ABCB6: variants seen among roughly 807,000 people sequenced by gnomAD.
The protein encoded by ABCB6 is ATP binding cassette subfamily B member 6 (LAN blood group), also known as ATP-binding cassette sub-family B member 6.
A neutral mutation model predicts 99.4 loss-of-function variants in ABCB6; 87 were observed. The observed-to-expected ratio is 0.88, with a 90% CI of 0.74 to 1.05. The LOEUF is 1.05. Among genes scored for constraint, ABCB6 ranks in the 50% least tolerant of loss-of-function variants. ABCB6 has a pLI of 0.00. For synonymous variants in ABCB6, 482 were observed against 447.5 expected (o/e 1.08, Z -0.97); for missense variants, 1,050 against 1,097.9 (o/e 0.96, Z 0.62).
chr2:219,217,637 C>T (rs559941257), intron 2 of ABCB6, 33 bp downstream of exon 2: 22 of 1,543,534 alleles, frequency 1.4e-5, no homozygotes, highest in Admixed American at 1.4e-4. Context: ...AGCAAGACTC[C>T]GTCTCCAAAA....
chr2:219,213,411 C>T, intron 11 of ABCB6, 28 bp downstream of exon 11: 1 of 1,614,166 alleles, frequency 6.2e-7, no homozygotes, highest in Non-Finnish European at 8.5e-7. Context: ...CCTCCCTCCC[C>T]AAACCCTACT....
Position 219,214,517 on chromosome 2 carries a change from G to C in ABCB6, c.1277-19C>G, listed in dbSNP as rs774959844. On this transcript the variant is annotated intron_variant, in intron 6 of 18. Coordinates refer to ENST00000265316, the MANE Select transcript of ABCB6 (RefSeq NM_005689.4). ...GTCAGGGCTGGAGAGTGACAGGATGGGGAGCAGAATAGGACATCATCCCCA... is the reference window on the plus strand; with the variant it reads ...GTCAGGGCTGGAGAGTGACAGGATGCGGAGCAGAATAGGACATCATCCCCA... 1 of 1,567,220 alleles carries C rather than the reference G, an allele frequency of 6.4e-7. No homozygotes were observed. The highest frequency in any genetic ancestry group is 1.1e-5 in the South Asian group (1 of 90,108).
In ABCB6 at chr2:219,210,956, A is replaced by T; in HGVS notation, c.2121T>A (p.Asp707Glu). 6.2e-7 allele frequency: 1 copy of T among 1,614,214 alleles called. No homozygotes were observed. Among genetic ancestry groups the T allele is most frequent in the East Asian group, 2.2e-5 (1 of 44,886 alleles). ...CACCTTCAGGGAAAGCCATAATGGCATCATGGATGCCTGCAGCCTGAGCAG... is the reference window on the plus strand; with the variant it reads ...CACCTTCAGGGAAAGCCATAATGGCTTCATGGATGCCTGCAGCCTGAGCAG... ...EAAAQAAGIH[D>E]AIMAFPEGYR... Residue 707 changes from aspartate (D) to glutamate (E), a missense_variant, in exon 15 of 19, where the codon GAT becomes GAA. Physicochemically the swap from Asp to Glu is conservative, Grantham distance 45. Coordinates refer to ENST00000265316, the MANE Select transcript of ABCB6 (RefSeq NM_005689.4).
At chr2:219,215,141 C>T in intron 5 of ABCB6, 59 bp from the exon 6 acceptor site, 2 of 1,606,636 alleles carry the variant, frequency 1.2e-6, no homozygotes, top group African/African-American at 2.7e-5. Context: ...AGCAACCCTG[C>T]CTCTAGGCAT....
In ABCB6 at chr2:219,215,010, G is replaced by A; in HGVS notation, c.1227C>T (p.Phe409=). Reference sequence around the variant, plus strand: ...ACACAATGAGGCCAAACCAGGCGTTGAAGAACATGCTGAAGTAGATGATGC... The same window carrying A: ...ACACAATGAGGCCAAACCAGGCGTTAAAGAACATGCTGAAGTAGATGATGC... ...IIGIIYFSMF[F]NAWFGLIVFL... is the part of the protein sequence containing the mutation. The change falls in exon 6 of 19, where the codon TTC becomes TTT. Residue 409 remains phenylalanine (F), a synonymous_variant. Coordinates refer to ENST00000265316, the MANE Select transcript of ABCB6 (RefSeq NM_005689.4). 6.2e-7 allele frequency: 1 copy of A among 1,614,170 alleles called. No individual in the cohort carries two copies. The highest frequency in any genetic ancestry group is 8.5e-7 in the Non-Finnish European group (1 of 1,180,030).
Position 219,214,631 on chromosome 2 carries a change from G to C in ABCB6, c.1277-133C>G. 4 of 700,662 alleles carry C rather than the reference G, an allele frequency of 5.7e-6. No homozygotes were observed. In the South Asian group the frequency reaches 7.0e-5, roughly 12 times the overall value. 43.4% of individuals were successfully genotyped at this position (700,662 alleles called of 1,614,324 possible). ...CCGGACACCCAGATTCCACAGGGAG[G>C]CACCTCTGCAGCCTGCACAAAGTCT... On this transcript the variant is annotated intron_variant, in intron 6 of 18. Transcript: ENST00000265316.
In ABCB6 at chr2:219,216,742, C is replaced by A. The variant is rs1435842228; in HGVS notation, c.778G>T (p.Ala260Ser). The A allele has an allele frequency of 6.2e-7, 1 of 1,609,152 alleles. No individual in the cohort carries two copies. Among genetic ancestry groups the A allele is most frequent in the African/African-American group, 1.3e-5 (1 of 74,756 alleles). Residue 260 changes from alanine (A) to serine (S), a missense_variant, in exon 3 of 19, where the codon GCT (alanine) becomes TCT (serine). Transcript: ENST00000265316. This position sits in a 1 kb window ranked among gnomAD's most constrained non-coding sequence, Gnocchi z 4.2. ...CAGATGAGCACCACCAGCTGCAGAG[C>A]TGGACTCCCTCGAGGCCACAGGTAG... ...SGYLWPRGSPALQLVVLICLG... is the reference protein window; with the variant it reads ...SGYLWPRGSPSLQLVVLICLG...
Position 219,216,166 on chromosome 2 carries a change from G to T in ABCB6, c.985C>A (p.Leu329Met). 3.1e-6 allele frequency: 5 copies of T among 1,594,512 alleles called. No homozygotes were observed. The highest frequency in any genetic ancestry group is 3.4e-6 in the Non-Finnish European group (4 of 1,168,798). ...GTGSTGFVSNLRTFLWIRVQQ... is the reference protein window; with the variant it reads ...GTGSTGFVSNMRTFLWIRVQQ... Reference sequence around the variant, plus strand: ...ACCCGGATCCACAGGAAGGTGCGCAGGTTGCTCACGAAGCCTGCAGGGAGC... The same window carrying T: ...ACCCGGATCCACAGGAAGGTGCGCATGTTGCTCACGAAGCCTGCAGGGAGC... The change falls in exon 5 of 19, where the codon CTG (leucine) becomes ATG (methionine). Residue 329 changes from leucine to methionine, a missense_variant. Physicochemically the swap from Leu to Met is conservative, Grantham distance 15. Coordinates refer to ENST00000265316, the MANE Select transcript of ABCB6 (RefSeq NM_005689.4). The surrounding 1 kb of genome is among the most constrained non-coding windows in gnomAD (Gnocchi z 4.2).
At chr2:219,213,780 C>T (rs1559236461) in intron 9 of ABCB6, 46 bp downstream of exon 9, 1 of 1,613,708 alleles carries the variant, frequency 6.2e-7, no homozygotes. Context: ...GGCCTCAGGC[C>T]CCCTTTTCCT....
chr2:219,211,015 G>C lies in ABCB6; in HGVS notation c.2062C>G (p.Arg688Gly), dbSNP rs781073692. The change falls in exon 15 of 19, where the codon CGT (arginine) becomes GGT (glycine). Residue 688 changes from arginine to glycine, a missense_variant. Physicochemically the swap from Arg to Gly is moderately radical, Grantham distance 125. Transcript: ENST00000265316. The stretch of plus-strand genomic sequence containing the variant: ...ACCTCATCATTCCCAGCTGTGACAC[G>C]GCCGTAACGGATATTGTCGGCGATG... Reference protein sequence around the residue: ...DTIADNIRYGRVTAGNDEVEA... With the variant: ...DTIADNIRYGGVTAGNDEVEA... 35 of 1,614,010 alleles carry C rather than the reference G, an allele frequency of 2.2e-5. No homozygotes were observed. The highest frequency in any genetic ancestry group is 2.9e-5 in the Non-Finnish European group (34 of 1,180,046).
At chr2:219,215,227 C>G (rs975346380) in intron 5 of ABCB6, 145 bp from the exon 6 acceptor site, 32 of 953,066 alleles carry the variant, frequency 3.4e-5, no homozygotes, top group Non-Finnish European at 4.6e-5. Flanking sequence ...AGGTGGGTGG[C>G]TAAATCAACC....
Position 219,210,395 on chromosome 2 carries a change from G to C in ABCB6, c.2337C>G (p.Ile779Met). 6.2e-7 allele frequency: 1 copy of C among 1,614,186 alleles called. No homozygotes were observed. The highest frequency in any genetic ancestry group is 8.5e-7 in the Non-Finnish European group (1 of 1,180,022). The change falls in exon 17 of 19, where the codon ATC (isoleucine) becomes ATG (methionine). Residue 779 changes from isoleucine (I) to methionine (M), a missense_variant. Physicochemically the swap from Ile to Met is conservative, Grantham distance 10 (BLOSUM62 1). Coordinates refer to ENST00000265316, the MANE Select transcript of ABCB6 (RefSeq NM_005689.4). ...TAGTCCTGTACCTGTGTGCCACTAC[G>C]ATGGTGGTGCGGTTGGCACAGACTT... ...LAKVCANRTT[I>M]VVAHRLSTVV... is the part of the protein sequence containing the mutation.
Position 219,213,554 on chromosome 2 carries a change from G to C in ABCB6, c.1655+36C>G, listed in dbSNP as rs773755687. The C allele has an allele frequency of 8.4e-5, 136 of 1,613,882 alleles. No homozygotes were observed. The Middle Eastern group carries it at 9.9e-4, about 12-fold the overall frequency. On this transcript the variant is annotated intron_variant, in intron 10 of 18. Transcript: ENST00000265316. Reference sequence around the variant, plus strand: ...CTCTGAGTAGCCAGGAAATAATAATGTGCCCTGGACAGGTGAGGGCCAGGG... The same window carrying C: ...CTCTGAGTAGCCAGGAAATAATAATCTGCCCTGGACAGGTGAGGGCCAGGG...
Position 219,210,042 on chromosome 2 carries a change from C to G in ABCB6, c.2425G>C (p.Glu809Gln), listed in dbSNP as rs768341073. ...ACCCCACCTCGGGACAACAGAGCCT[C>G]GTGTCTGGGGTGAGGAGAAAAGTGT... ...DGCIVERGRH[E>Q]ALLSRGGVYA... The change falls in exon 19 of 19, where the codon GAG becomes CAG. Residue 809 changes from glutamate (E) to glutamine (Q), a missense_variant. Transcript: ENST00000265316. The G allele has an allele frequency of 1.2e-6, 2 of 1,613,982 alleles. No homozygotes were observed. The highest frequency in any genetic ancestry group is 3.3e-5 in the Admixed American group (2 of 60,014).
At chr2:219,214,617 G>C in intron 6 of ABCB6, 119 bp from the exon 7 acceptor site, 10 of 760,484 alleles carry the variant, frequency 1.3e-5, no homozygotes. Flanking sequence ...CGGACACCCA[G>C]ATTCCACAGG....
rs532805022 is a variant in ABCB6, at chr2:219,213,855, C to T, written c.1549G>A (p.Ala517Thr). ...LGLLAGSLLC[A>T]YFVTEQKLQV... ...AGCTTCTGCTCAGTGACAAAGTATG[C>T]GCAAAGCAGGGAGCCGGCGAGGAGC... Residue 517 changes from alanine (A) to threonine (T), a missense_variant, in exon 9 of 19, where the codon GCA becomes ACA. Physicochemically the swap from Ala to Thr is moderately conservative, Grantham distance 58. Coordinates refer to ENST00000265316, the MANE Select transcript of ABCB6 (RefSeq NM_005689.4). 1.5e-5 allele frequency: 24 copies of T among 1,614,154 alleles called. No homozygotes were observed. Among genetic ancestry groups the T allele is most frequent in the East Asian group, 4.5e-5 (2 of 44,884 alleles).
Position 219,213,903 on chromosome 2 carries a change from G to C in ABCB6, c.1501C>G (p.Gln501Glu), listed in dbSNP as rs1310400431. 1 of 1,614,156 alleles carries C rather than the reference G, an allele frequency of 6.2e-7. No homozygotes were observed. The highest frequency in any genetic ancestry group is 8.5e-7 in the Non-Finnish European group (1 of 1,180,042). Residue 501 changes from glutamine (Q) to glutamate (E), a missense_variant, in exon 9 of 19, where the codon CAG becomes GAG. By Grantham distance (29) the Gln-to-Glu change is conservative. Transcript: ENST00000265316. ...AGCCCGAGCCCAATCACCAGGTTCT[G>C]GGTCTGATTTAGTAAAACCAGTGAA... The part of the protein sequence containing the change: ...SASLVLLNQT[Q>E]NLVIGLGLLA...
chr2:219,218,730 T>G lies in ABCB6; in HGVS notation c.-57A>C. 6.7e-7 allele frequency: 1 copy of G among 1,485,448 alleles called. No individual in the cohort carries two copies. The highest frequency in any genetic ancestry group is 8.9e-7 in the Non-Finnish European group (1 of 1,117,422). 92.0% of individuals were successfully genotyped at this position (1,485,448 alleles called of 1,614,324 possible). ...GCACTGCGGGACCGGAGGCCGGGAC[T>G]GGTCACTCGGAGAGGGGCGCGGACA... On this transcript the variant is annotated 5_prime_UTR_variant, in exon 1 of 19. Coordinates refer to ENST00000265316, the MANE Select transcript of ABCB6 (RefSeq NM_005689.4).
chr2:219,216,246 A>G lies in ABCB6; in HGVS notation c.971-66T>C. 6.4e-7 allele frequency: 1 copy of G among 1,570,020 alleles called. No homozygotes were observed. The highest frequency in any genetic ancestry group is 1.3e-5 in the African/African-American group (1 of 74,132). The stretch of plus-strand genomic sequence containing the variant: ...TGAGGGACGTCAGCCCAGCACCAGG[A>G]TGTGAAAGGTCTGAGAGTACATGGG... On this transcript the variant is annotated intron_variant, in intron 4 of 18. Transcript: ENST00000265316. The surrounding 1 kb of genome is among the most constrained non-coding windows in gnomAD (Gnocchi z 4.2).
Sources: allele counts gnomAD v4.1 joint callset, GRCh38; gene constraint gnomAD v4.1.1; non-coding constraint Gnocchi (gnomAD v3.1); transcripts MANE v1.5; gene names NCBI Gene and HGNC (gene_info 2026-07-23, HGNC 2026-07-21).